The following NUP210L variants were observed in gnomAD, a reference collection of about 807,000 sequenced individuals.
The protein encoded by NUP210L is nuclear pore membrane glycoprotein 210-like.
Under a neutral mutation model 208.5 loss-of-function variants are expected in NUP210L, and 74 were observed. The ratio of observed to expected loss-of-function variants is 0.35; its 90% CI spans 0.29 to 0.43. The LOEUF is 0.43. NUP210L is among the 20% of genes least tolerant of loss of function. The pLI is 1.00. For missense variants in NUP210L, 1,843 were observed against 2,289.4 expected, an observed-to-expected ratio of 0.81 and a Z score of 3.98; for synonymous variants, 780 against 816.9, an observed-to-expected ratio of 0.95 and a Z score of 0.77.
At chr1:154,129,188 T>C in intron 8 of NUP210L, 89 bp downstream of exon 8, 2 of 743,056 alleles carry the variant, frequency 2.7e-6, no homozygotes, top group Non-Finnish European at 4.6e-6. Context: ...AGAATGAAAG[T>C]TGAAAGTTGA....
At chr1:154,046,237 C>T in intron 26 of NUP210L, 37 bp from the exon 27 acceptor site, 2 of 1,613,972 alleles carry the variant, frequency 1.2e-6, no homozygotes, top group Non-Finnish European at 1.7e-6. Context: ...ATATATTCTG[C>T]CCAGTTGCAA....
At chr1:154,043,157 T>C (rs1283902500) in intron 27 of NUP210L, among the ~76,000 whole-genome samples, 2 of 149,322 alleles carry the variant, frequency 1.3e-5, no homozygotes, top group Non-Finnish European at 3.0e-5. Flanking sequence ...GTAGCTGGGA[T>C]TACAGGTGTG....
At chr1:154,130,066 C>T (rs1273901830) in intron 7 of NUP210L, among the ~76,000 whole-genome samples, 1 of 152,170 alleles carries the variant, frequency 6.6e-6, no homozygotes, top group East Asian at 1.9e-4. Flanking sequence ...TGGCCAGGCA[C>T]GGTGGCTCAT....
intron 4 of NUP210L, among the ~76,000 whole-genome samples, chr1:154,140,884 C>G (rs549043436): frequency 6.6e-6 from 1 of 150,438 alleles, no homozygotes; most frequent in South Asian, 2.1e-4. Flanking sequence ...GTCCTAGCTA[C>G]TTAGGAGGCT....
chr1:153,992,846 T>C lies in NUP210L; in HGVS notation c.5656A>G (p.Ile1886Val), dbSNP rs61738945. The C allele has an allele frequency of 4.1e-3, 6,641 of 1,610,304 alleles. 251 individuals carry two copies. The African/African-American group carries it at 0.077, about 19-fold the overall frequency. The change falls in exon 40 of 40, where the codon ATA becomes GTA. Residue 1886 changes from isoleucine (I) to valine (V), a missense_variant. Coordinates refer to ENST00000368559, the Ensembl canonical transcript of NUP210L. ...TGTCCAAGCAGAGGTTAGTGCCTTA[T>C]ACTCCATAACCAATGTTGCAGCCGA...
chr1:154,077,527 G>A (rs1655102375), intron 16 of NUP210L, among the ~76,000 whole-genome samples: 2 of 151,976 alleles, frequency 1.3e-5, no homozygotes, highest in Admixed American at 1.3e-4. Flanking sequence ...TGTCTTACAA[G>A]AAATACTAAA....
At chr1:154,041,696 T>C (rs765068472) in intron 27 of NUP210L, among the ~76,000 whole-genome samples, 5 of 151,998 alleles carry the variant, frequency 3.3e-5, no homozygotes, top group Non-Finnish European at 7.4e-5. Context: ...ATCTTCCCAC[T>C]TGCCTCTCTT....
At chr1:154,054,701 T>A in intron 24 of NUP210L, 69 bp downstream of exon 24, 1 of 1,071,616 alleles carries the variant, frequency 9.3e-7, no homozygotes. Flanking sequence ...AAGAGAGGTG[T>A]GTGTGTGTGA....
chr1:154,109,783 A>G (rs1382607713), intron 12 of NUP210L, among the ~76,000 whole-genome samples: 1 of 151,638 alleles, frequency 6.6e-6, no homozygotes, highest in East Asian at 1.9e-4. Context: ...AAATTAAACA[A>G]CTTGCTCCTG....
chr1:154,142,078 GC>G (rs1049755005), intron 3 of NUP210L, among the ~76,000 whole-genome samples: 2 of 151,438 alleles, frequency 1.3e-5, no homozygotes, highest in Non-Finnish European at 2.9e-5. Context: ...GATTGCTTGA[GC>G]CTGGGAGGTC....
chr1:154,005,248 T>A (rs899627108), intron 35 of NUP210L, among the ~76,000 whole-genome samples: 1 of 151,372 alleles, frequency 6.6e-6, no homozygotes, highest in Admixed American at 6.6e-5. Context: ...TGAGATGGAG[T>A]CTTGTCTGTC....
Position 154,154,656 on chromosome 1 carries a change from A to T in NUP210L, c.203+186T>A, listed in dbSNP as rs529616765. 3.9e-5 allele frequency among the ~76,000 whole-genome samples: 6 copies of T among 152,266 alleles called. No individual in the cohort carries two copies. In the East Asian group the frequency reaches 9.6e-4, roughly 24 times the overall value. ...CAGCTGGAGGATATACCACATGAGT[A>T]GGACACGCCACACCCAAGGGTCTGC... On this transcript the variant is annotated intron_variant, in intron 1 of 39. Coordinates refer to ENST00000368559, the Ensembl canonical transcript of NUP210L.
At chr1:154,035,334 T>A (rs1460864208) in intron 27 of NUP210L, among the ~76,000 whole-genome samples, 1 of 152,074 alleles carries the variant, frequency 6.6e-6, no homozygotes, top group African/African-American at 2.4e-5. Context: ...TAATTCTGGG[T>A]ATGGTTTGCT....
intron 37 of NUP210L, among the ~76,000 whole-genome samples, chr1:153,996,283 C>G (rs887976169): frequency 2.0e-5 from 3 of 152,160 alleles, no homozygotes; most frequent in African/African-American, 7.2e-5. Context: ...CAGAGCCAGA[C>G]TCTATTTCAA....
chr1:153,994,363 G>A (rs1481029652), intron 38 of NUP210L, among the ~76,000 whole-genome samples: 4 of 151,958 alleles, frequency 2.6e-5, no homozygotes, highest in Admixed American at 2.6e-4. Context: ...CACCCAGGCT[G>A]AAGTGCAGTG....
chr1:154,151,679 T>C (rs1356312148), intron 2 of NUP210L, among the ~76,000 whole-genome samples: 1 of 152,164 alleles, frequency 6.6e-6, no homozygotes, highest in Non-Finnish European at 1.5e-5. Flanking sequence ...TTATTATTAT[T>C]GTTTTGTAGA....
chr1:154,102,107 C>T (rs1656502347), intron 13 of NUP210L, among the ~76,000 whole-genome samples: 1 of 151,950 alleles, frequency 6.6e-6, no homozygotes, highest in South Asian at 2.1e-4. Flanking sequence ...GCCGAGATTG[C>T]ACCACTGCAC....
At chr1:154,006,356 C>T (rs76014503) in intron 35 of NUP210L, among the ~76,000 whole-genome samples, 3,731 of 152,066 alleles carry the variant, frequency 0.025, 84 homozygotes, top group Non-Finnish European at 0.04. Flanking sequence ...CCCTATATTG[C>T]CTGGAATGTC....
chr1:154,011,502 G>A (rs1650917349), intron 34 of NUP210L, among the ~76,000 whole-genome samples: 1 of 150,600 alleles, frequency 6.6e-6, no homozygotes, highest in South Asian at 2.1e-4. Context: ...GATTACAGGT[G>A]TGAGCCACCG....
Sources: gnomAD v4.1 joint callset for allele counts (sites outside exome capture counted in the v4.1 genomes callset) on GRCh38, gnomAD v4.1.1 for gene constraint, MANE v1.5 for transcripts, NCBI Gene and HGNC (gene_info 2026-07-23, HGNC 2026-07-21) for gene names.